Variants in CDH13 observed in about 807,000 individuals in gnomAD.
CDH13 encodes the protein cadherin-13.
Under a neutral mutation model 63.8 loss-of-function variants are expected in CDH13, and 24 were observed. The observed-to-expected ratio is 0.38, with a 90% CI of 0.27 to 0.53. The LOEUF (loss-of-function observed/expected upper bound fraction) is 0.53, where lower values mean the gene tolerates loss of function less well. CDH13 is among the 20% of genes least tolerant of loss of function. The pLI is 0.85. For synonymous variants in CDH13, 503 were observed against 355.3 expected, an observed-to-expected ratio of 1.42 and a Z score of -4.67; for missense variants, 1,049 against 903.1, an observed-to-expected ratio of 1.16 and a Z score of -2.07.
intron 10 of CDH13, among the ~76,000 whole-genome samples, chr16:83,719,926 G>C (rs1032494264): frequency 6.6e-6 from 1 of 152,194 alleles, no homozygotes; most frequent in African/African-American, 2.4e-5. Context: ...AGTGGGGTCA[G>C]ACTCCACTGT....
At chr16:83,646,023 C>T (rs1328914046) in intron 8 of CDH13, among the ~76,000 whole-genome samples, 1 of 152,176 alleles carries the variant, frequency 6.6e-6, no homozygotes, top group Non-Finnish European at 1.5e-5. Context: ...CAGCCTCGCC[C>T]CGTTGGGAGA....
intron 2 of CDH13, among the ~76,000 whole-genome samples, chr16:82,869,574 C>T (rs2040272362): frequency 6.6e-6 from 1 of 152,144 alleles, no homozygotes; most frequent in African/African-American, 2.4e-5. Context: ...CGTTATCTGA[C>T]TTACAGTTGT....
chr16:83,794,095 G>C (rs1250345118), intron 13 of CDH13, among the ~76,000 whole-genome samples: 1 of 152,172 alleles, frequency 6.6e-6, no homozygotes, highest in Non-Finnish European at 1.5e-5. Flanking sequence ...GGGAACGGAT[G>C]CTTTCCTAGA....
At chr16:83,727,019 T>A (rs919540657) in intron 10 of CDH13, among the ~76,000 whole-genome samples, 1 of 152,214 alleles carries the variant, frequency 6.6e-6, no homozygotes, top group Non-Finnish European at 1.5e-5. Context: ...TGTATTGATT[T>A]ATGAGATATA....
intron 2 of CDH13, among the ~76,000 whole-genome samples, chr16:82,970,111 G>A (rs575757535): frequency 1.1e-3 from 169 of 151,906 alleles, no homozygotes; most frequent in Non-Finnish European, 1.7e-3. Context: ...CGACAGTGTG[G>A]TGTTTCCCTC....
intron 5 of CDH13, among the ~76,000 whole-genome samples, chr16:83,275,863 G>T (rs1291927915): frequency 6.6e-6 from 1 of 152,186 alleles, no homozygotes; most frequent in East Asian, 1.9e-4. Context: ...GGTCACAAAT[G>T]AGCCATGAAA....
chr16:82,820,148 G>A (rs1217618072), intron 1 of CDH13, among the ~76,000 whole-genome samples: 2 of 152,104 alleles, frequency 1.3e-5, no homozygotes, highest in Admixed American at 1.3e-4. Context: ...GTGGGGAAGT[G>A]GGAATGATTA....
chr16:82,640,638 C>T (rs1909282785), intron 1 of CDH13, among the ~76,000 whole-genome samples: 1 of 152,166 alleles, frequency 6.6e-6, no homozygotes, highest in South Asian at 2.1e-4. Flanking sequence ...GCTGCCTTAC[C>T]AGTTGGTCAA....
chr16:83,414,440 C>G (rs963205374), intron 6 of CDH13, among the ~76,000 whole-genome samples: 1 of 152,178 alleles, frequency 6.6e-6, no homozygotes, highest in African/African-American at 2.4e-5. Context: ...GATAAGGACA[C>G]TTACCTGAGA....
intron 8 of CDH13, among the ~76,000 whole-genome samples, chr16:83,607,443 C>G (rs1278227826): frequency 6.6e-6 from 1 of 152,092 alleles, no homozygotes; most frequent in Non-Finnish European, 1.5e-5. Flanking sequence ...AACATGTAAG[C>G]TCAATTCTTT....
At chr16:83,285,374 A>G (rs775381736) in intron 5 of CDH13, among the ~76,000 whole-genome samples, 1 of 152,064 alleles carries the variant, frequency 6.6e-6, no homozygotes, top group African/African-American at 2.4e-5. Flanking sequence ...TTTTAGGGGC[A>G]CAGGTGGCAT....
intron 10 of CDH13, among the ~76,000 whole-genome samples, chr16:83,723,651 T>G (rs1412932933): frequency 6.6e-6 from 1 of 152,252 alleles, no homozygotes; most frequent in Non-Finnish European, 1.5e-5. Context: ...GGGACGGCTT[T>G]CAGAGCACAT....
intron 1 of CDH13, among the ~76,000 whole-genome samples, chr16:82,807,605 T>G (rs2036520836): frequency 6.6e-6 from 1 of 152,134 alleles, no homozygotes; most frequent in African/African-American, 2.4e-5. Context: ...GTGCAACCAT[T>G]TACACTCGCT....
chr16:83,136,387 G>T (rs893675042), intron 4 of CDH13, among the ~76,000 whole-genome samples: 1 of 151,240 alleles, frequency 6.6e-6, no homozygotes, highest in Admixed American at 6.6e-5. Flanking sequence ...TCGGGAGGCT[G>T]AGGCAGGAGA....
chr16:83,748,803 A>G (rs919517642), intron 11 of CDH13, among the ~76,000 whole-genome samples: 1 of 152,194 alleles, frequency 6.6e-6, no homozygotes, highest in Non-Finnish European at 1.5e-5. Flanking sequence ...GCGCAGCAGT[A>G]AACAAAAAGA....
intron 5 of CDH13, among the ~76,000 whole-genome samples, chr16:83,312,430 G>A (rs769520694): frequency 1.3e-5 from 2 of 152,296 alleles, no homozygotes; most frequent in Non-Finnish European, 2.9e-5. Context: ...GGATCCCAGC[G>A]AGCATACTGT....
At chr16:83,403,146 C>T (rs762791858) in intron 6 of CDH13, among the ~76,000 whole-genome samples, 46 of 152,048 alleles carry the variant, frequency 3.0e-4, no homozygotes, top group Non-Finnish European at 5.3e-4. Flanking sequence ...TGAAATAATA[C>T]GTCTTGTGAG....
At chr16:82,747,709 A>G (rs1017308855) in intron 1 of CDH13, among the ~76,000 whole-genome samples, 4 of 151,886 alleles carry the variant, frequency 2.6e-5, no homozygotes, top group Admixed American at 6.6e-5. Flanking sequence ...CTTTGAATCC[A>G]CTTACAAATT....
chr16:83,593,703 A>C (rs981965785), intron 7 of CDH13, among the ~76,000 whole-genome samples: 1 of 152,156 alleles, frequency 6.6e-6, no homozygotes, highest in Non-Finnish European at 1.5e-5. Flanking sequence ...TAATTGTGTT[A>C]TAATATGACT....
Sources: gnomAD v4.1 joint callset for allele counts (sites outside exome capture counted in the v4.1 genomes callset) on GRCh38, gnomAD v4.1.1 for gene constraint, MANE v1.5 for transcripts, NCBI Gene and HGNC (gene_info 2026-07-23, HGNC 2026-07-21) for gene names.